VPS36: variants seen among roughly 807,000 people sequenced by gnomAD.
VPS36 encodes vacuolar protein sorting 36 homolog, also known as vacuolar protein-sorting-associated protein 36.
VPS36 carries 31 observed loss-of-function variants against 63.5 expected under a neutral mutation model. The ratio of observed to expected loss-of-function variants is 0.49; its 90% CI spans 0.37 to 0.66. VPS36 has a LOEUF of 0.66. VPS36 is among the 30% of genes least tolerant of loss of function. The pLI, the probability that VPS36 is intolerant of heterozygous loss-of-function variation, is 0.00. For synonymous variants in VPS36, 138 were observed against 157.2 expected, an observed-to-expected ratio of 0.88 and a Z score of 0.91; for missense variants, 338 against 463.7, an observed-to-expected ratio of 0.73 and a Z score of 2.49.
chr13:52,433,612 A>C, intron 6 of VPS36, 50 bp downstream of exon 6: 1 of 1,407,594 alleles, frequency 7.1e-7, no homozygotes, highest in Non-Finnish European at 1.0e-6. Context: ...TATCTAAAAG[A>C]ATAGACACAA....
intron 1 of VPS36, among the ~76,000 whole-genome samples, chr13:52,445,586 CT>C (rs1263438408): frequency 7.3e-6 from 1 of 137,588 alleles, no homozygotes; most frequent in Non-Finnish European, 1.5e-5. Context: ...TTGCAGAGAG[CT>C]GAGATCGTGC....
At chr13:52,422,460 C>T (rs1958056251) in intron 10 of VPS36, among the ~76,000 whole-genome samples, 8 of 152,120 alleles carry the variant, frequency 5.3e-5, no homozygotes, top group Admixed American at 5.2e-4. Context: ...AAACTCGTGT[C>T]ACTAGGGTTT....
chr13:52,436,736 G>A (rs532209537), intron 3 of VPS36, among the ~76,000 whole-genome samples: 11 of 152,190 alleles, frequency 7.2e-5, no homozygotes, highest in South Asian at 4.1e-4. Context: ...CGTCCCCAGA[G>A]GTTATAAGGG....
intron 1 of VPS36, among the ~76,000 whole-genome samples, chr13:52,446,879 ATT>A (rs531529195): frequency 7.2e-5 from 10 of 138,338 alleles, no homozygotes; most frequent in East Asian, 2.1e-4. Context: ...GCATGCCATA[ATT>A]TTTTTTTTTT....
At chr13:52,426,866 A>G (rs888053218) in intron 8 of VPS36, 123 bp downstream of exon 8, 3 of 640,314 alleles carry the variant, frequency 4.7e-6, no homozygotes, top group Non-Finnish European at 7.5e-6. Context: ...TAAATAAATA[A>G]ACAATAAATA....
chr13:52,440,296 A>C (rs934280870), intron 2 of VPS36, among the ~76,000 whole-genome samples: 2 of 150,752 alleles, frequency 1.3e-5, no homozygotes, highest in Non-Finnish European at 3.0e-5. Flanking sequence ...TTTAATTTTT[A>C]ATTTTTATTT....
chr13:52,434,909 A>C, intron 4 of VPS36, 27 bp from the exon 5 acceptor site: 2 of 1,583,602 alleles, frequency 1.3e-6, no homozygotes, highest in South Asian at 2.2e-5. Context: ...TACACTTTAA[A>C]TGACTCAGTC....
intron 12 of VPS36, 141 bp downstream of exon 12, chr13:52,416,916 G>A (rs1036959785): frequency 5.8e-6 from 4 of 694,012 alleles, no homozygotes; most frequent in South Asian, 4.2e-5. Flanking sequence ...CATTGTTAGT[G>A]ATAAACCATT....
At chr13:52,436,522 T>C (rs547633994) in intron 3 of VPS36, 118 bp from the exon 4 acceptor site, 27 of 717,374 alleles carry the variant, frequency 3.8e-5, no homozygotes, top group Non-Finnish European at 5.3e-5. Context: ...GAAACAAACA[T>C]CCCAAAAAGC....
intron 1 of VPS36, among the ~76,000 whole-genome samples, chr13:52,447,278 G>A (rs1594126518): frequency 6.6e-6 from 1 of 152,198 alleles, no homozygotes; most frequent in South Asian, 2.1e-4. Flanking sequence ...ATAATGCTGA[G>A]ATGAGCATTC....
At chr13:52,416,313 C>A in intron 12 of VPS36, 1 of 521,682 alleles carries the variant, frequency 1.9e-6, no homozygotes. Flanking sequence ...ATAGTAGAGG[C>A]TCAAATATCA....
chr13:52,421,081 A>G (rs1437347179), intron 10 of VPS36, among the ~76,000 whole-genome samples: 2 of 152,210 alleles, frequency 1.3e-5, no homozygotes, highest in African/African-American at 4.8e-5. Flanking sequence ...AGGTTGTGCC[A>G]CTGCACTCTA....
chr13:52,429,217 A>C (rs2137787804), intron 6 of VPS36: 1 of 981,536 alleles, frequency 1.0e-6, no homozygotes, highest in East Asian at 1.1e-4. Flanking sequence ...GCTGACTTAC[A>C]GCATGATTTC....
intron 2 of VPS36, among the ~76,000 whole-genome samples, chr13:52,441,267 C>T (rs1400837112): frequency 6.6e-6 from 1 of 152,034 alleles, no homozygotes. Context: ...TGCTACAGTA[C>T]AGTATATAGT....
chr13:52,417,844 G>A (rs904223265), intron 11 of VPS36, 148 bp downstream of exon 11: 5 of 626,964 alleles, frequency 8.0e-6, no homozygotes, highest in Non-Finnish European at 1.4e-5. Context: ...GTTAGGACAT[G>A]CCCAGCCCTG....
intron 1 of VPS36, among the ~76,000 whole-genome samples, chr13:52,449,294 G>A (rs1479233493): frequency 1.3e-5 from 2 of 152,186 alleles, no homozygotes; most frequent in Admixed American, 6.5e-5. Flanking sequence ...AGCCCAGATC[G>A]CGCCACTGCA....
chr13:52,427,368 G>A, intron 6 of VPS36, 149 bp from the exon 7 acceptor site: 1 of 693,976 alleles, frequency 1.4e-6, no homozygotes, highest in South Asian at 2.0e-5. Context: ...CACTCTGGGA[G>A]GCCGAGGCAG....
chr13:52,438,959 A>G (rs572876200), intron 3 of VPS36, 139 bp downstream of exon 3: 5 of 631,508 alleles, frequency 7.9e-6, no homozygotes, highest in African/African-American at 7.2e-5. Flanking sequence ...TATAATAAAC[A>G]AGGATATTAC....
intron 10 of VPS36, among the ~76,000 whole-genome samples, chr13:52,421,163 A>G (rs1354121172): frequency 6.6e-6 from 1 of 152,214 alleles, no homozygotes; most frequent in Non-Finnish European, 1.5e-5. Context: ...TGTGGTACAT[A>G]TATACAATGA....
Sources: allele counts gnomAD v4.1 joint callset (sites outside exome capture counted in the v4.1 genomes callset), GRCh38; gene constraint gnomAD v4.1.1; transcripts MANE v1.5; gene names NCBI Gene and HGNC (gene_info 2026-07-23, HGNC 2026-07-21).